Variants in CAMKMT observed in about 807,000 individuals in gnomAD.
CAMKMT encodes CaM KMT.
In CAMKMT, 53 loss-of-function variants were observed where a neutral mutation model predicts 48.0. The observed-to-expected ratio is 1.10, with a 90% CI of 0.89 to 1.39. The LOEUF (loss-of-function observed/expected upper bound fraction) is 1.39, where lower values mean the gene tolerates loss of function less well. Among genes scored for constraint, CAMKMT ranks in the 40% most tolerant of loss-of-function variants. The pLI is 0.00. For synonymous variants in CAMKMT, 165 were observed against 152.3 expected, an observed-to-expected ratio of 1.08 and a Z score of -0.61; for missense variants, 428 against 402.7, an observed-to-expected ratio of 1.06 and a Z score of -0.54.
At chr2:44,647,487 C>T (rs773869422) in intron 3 of CAMKMT, among the ~76,000 whole-genome samples, 11 of 152,114 alleles carry the variant, frequency 7.2e-5, no homozygotes, top group African/African-American at 1.9e-4. Context: ...ATTTACATAG[C>T]AATTTGTAGA....
rs557904143 is a variant in CAMKMT at position 44,361,974 on chromosome 2, G to C, written c.-34G>C. On this transcript the variant is annotated 5_prime_UTR_variant, in exon 1 of 11. Transcript: ENST00000378494. ...GTCCTGGCAGGGGACGAGCTGCGGC[G>C]GTGGCACCTCCGGGTGTGGAAGGCT... 5.9e-6 allele frequency: 8 copies of C among 1,363,570 alleles called. No individual in the cohort carries two copies. The African/African-American group carries it at 9.2e-5, about 16-fold the overall frequency. 84.5% of individuals were successfully genotyped at this position (1,363,570 alleles called of 1,614,324 possible). A position where few individuals can be genotyped will look rare whatever the true frequency, so the allele number is the denominator to read the frequency against.
intron 3 of CAMKMT, among the ~76,000 whole-genome samples, chr2:44,427,456 C>G (rs548206431): frequency 2.6e-5 from 4 of 152,032 alleles, no homozygotes; most frequent in African/African-American, 9.6e-5. Context: ...AACAAATCAA[C>G]AAGAAAAAAA....
At chr2:44,451,863 A>G (rs1366494393) in intron 3 of CAMKMT, among the ~76,000 whole-genome samples, 1 of 151,898 alleles carries the variant, frequency 6.6e-6, no homozygotes, top group Non-Finnish European at 1.5e-5. Context: ...TTAGAGAAAA[A>G]AAGCTTTCTA....
intron 3 of CAMKMT, among the ~76,000 whole-genome samples, chr2:44,463,504 A>G (rs1667952478): frequency 6.6e-6 from 1 of 152,168 alleles, no homozygotes; most frequent in South Asian, 2.1e-4. Flanking sequence ...TACATGCAAT[A>G]TACTAGCTTT....
chr2:44,375,241 A>G (rs1056063377), intron 2 of CAMKMT, among the ~76,000 whole-genome samples: 1 of 151,886 alleles, frequency 6.6e-6, no homozygotes, highest in Non-Finnish European at 1.5e-5. Context: ...GTAGTTTTGC[A>G]ATGAAGTGGA....
chr2:44,390,380 C>T, intron 3 of CAMKMT, 75 bp downstream of exon 3: 1 of 1,082,140 alleles, frequency 9.2e-7, no homozygotes, highest in Non-Finnish European at 1.4e-6. Flanking sequence ...GTTTTCTTCT[C>T]ACTAATATTT....
chr2:44,453,984 G>T (rs369248541), intron 3 of CAMKMT, among the ~76,000 whole-genome samples: 1 of 151,986 alleles, frequency 6.6e-6, no homozygotes, highest in African/African-American at 2.4e-5. Flanking sequence ...GTAAGAATTA[G>T]ACAAAATACC....
chr2:44,511,785 C>G (rs758489825), intron 3 of CAMKMT, among the ~76,000 whole-genome samples: 2 of 152,158 alleles, frequency 1.3e-5, no homozygotes, highest in Non-Finnish European at 2.9e-5. Flanking sequence ...CAGATTTTAT[C>G]TTTTGGTTGG....
intron 3 of CAMKMT, among the ~76,000 whole-genome samples, chr2:44,444,522 T>C (rs1001964796): frequency 2.0e-5 from 3 of 152,234 alleles, no homozygotes; most frequent in African/African-American, 7.2e-5. Context: ...TCTTCACACA[T>C]GCTTTTTGTC....
intron 3 of CAMKMT, among the ~76,000 whole-genome samples, chr2:44,455,774 T>C (rs975293433): frequency 6.6e-6 from 1 of 150,628 alleles, no homozygotes; most frequent in Non-Finnish European, 1.5e-5. Context: ...CTTAAAAAGC[T>C]ATTTTTTTTA....
Position 44,666,697 on chromosome 2 carries a change from G to A in CAMKMT, c.377-37586G>A, listed in dbSNP as rs1442011043. The stretch of plus-strand genomic sequence containing the variant: ...CACAGTCTCGGCTCACTGAGCCTCC[G>A]CCTCCTGGGTTCAAGGGATTCTCCT... On this transcript the variant is annotated intron_variant, in intron 3 of 10. Transcript: ENST00000378494. Among the ~76,000 whole-genome samples, 8 of 148,114 alleles carry A rather than the reference G, an allele frequency of 5.4e-5. No homozygotes were observed. In the East Asian group the frequency reaches 1.0e-3, roughly 19 times the overall value.
At chr2:44,643,332 A>G (rs748939119) in intron 3 of CAMKMT, among the ~76,000 whole-genome samples, 1 of 152,234 alleles carries the variant, frequency 6.6e-6, no homozygotes, top group Non-Finnish European at 1.5e-5. Context: ...AAGAAACTGT[A>G]TGGAACTACT....
chr2:44,700,772 T>C (rs1304159640), intron 3 of CAMKMT, among the ~76,000 whole-genome samples: 1 of 152,202 alleles, frequency 6.6e-6, no homozygotes, highest in Non-Finnish European at 1.5e-5. Flanking sequence ...GACCAAAATC[T>C]GTCACAGAGA....
intron 3 of CAMKMT, among the ~76,000 whole-genome samples, chr2:44,564,524 A>T (rs1001638085): frequency 6.6e-6 from 1 of 151,742 alleles, no homozygotes; most frequent in Non-Finnish European, 1.5e-5. Flanking sequence ...TTATTTGCCA[A>T]GCTGATAACA....
intron 3 of CAMKMT, among the ~76,000 whole-genome samples, chr2:44,597,885 C>CA (rs1670757719): frequency 6.6e-6 from 1 of 151,998 alleles, no homozygotes; most frequent in Non-Finnish European, 1.5e-5. Flanking sequence ...TACAGGCATG[C>CA]ACCACCACCC....
At chr2:44,403,407 A>G (rs1419575328) in intron 3 of CAMKMT, among the ~76,000 whole-genome samples, 1 of 152,202 alleles carries the variant, frequency 6.6e-6, no homozygotes, top group East Asian at 1.9e-4. Flanking sequence ...GAGCAAGGGT[A>G]GTTGCACAAA....
At chr2:44,742,604 G>A (rs1679739740) in intron 7 of CAMKMT, among the ~76,000 whole-genome samples, 1 of 152,084 alleles carries the variant, frequency 6.6e-6, no homozygotes, top group Non-Finnish European at 1.5e-5. Flanking sequence ...GCGTGTGTAG[G>A]TATTTTTGTG....
intron 7 of CAMKMT, among the ~76,000 whole-genome samples, chr2:44,720,263 C>G (rs1272893007): frequency 6.6e-6 from 1 of 152,070 alleles, no homozygotes; most frequent in Non-Finnish European, 1.5e-5. Context: ...AAATTAAGGC[C>G]TTTTATTTTA....
chr2:44,622,518 C>T (rs1274955933), intron 3 of CAMKMT, among the ~76,000 whole-genome samples: 2 of 152,032 alleles, frequency 1.3e-5, no homozygotes, highest in East Asian at 3.9e-4. Flanking sequence ...TCTTATATTC[C>T]CCAATGTCTG....
Sources: gnomAD v4.1 joint callset for allele counts (sites outside exome capture counted in the v4.1 genomes callset) on GRCh38, gnomAD v4.1.1 for gene constraint, MANE v1.5 for transcripts, NCBI Gene and HGNC (gene_info 2026-07-23, HGNC 2026-07-21) for gene names.